Variants in MYO7A observed in about 807,000 individuals in gnomAD.
The protein encoded by MYO7A is myosin VIIA.
A neutral mutation model predicts 263.8 loss-of-function variants in MYO7A; 210 were observed. The ratio of observed to expected loss-of-function variants is 0.80; its 90% CI spans 0.71 to 0.89. The LOEUF (loss-of-function observed/expected upper bound fraction) is 0.89. MYO7A is among the 40% of genes least tolerant of loss of function. The probability of loss-of-function intolerance (pLI) is 0.00; values close to 1 mark genes in which losing one functional copy is unlikely to be tolerated. For synonymous variants in MYO7A, 1,239 were observed against 1,197.3 expected, an observed-to-expected ratio of 1.03 and a Z score of -0.72; for missense variants, 2,820 against 2,968.3, an observed-to-expected ratio of 0.95 and a Z score of 1.16.
rs372062718 is a variant in MYO7A, at chr11:77,204,137, C to T, written c.5388C>T (p.Thr1796=). ...SKRTRSVNEL[T]DQIFEGPLKA... Reference sequence around the variant, plus strand: ...GGACACGCTCCGTCAACGAGCTCACCGACCAGATCTTTGAGGGTCCCCTGA... The same window carrying T: ...GGACACGCTCCGTCAACGAGCTCACTGACCAGATCTTTGAGGGTCCCCTGA... The change falls in exon 39 of 49, where the codon ACC becomes ACT. Residue 1796 remains threonine (T), a synonymous_variant. Coordinates refer to ENST00000409709, the MANE Select transcript of MYO7A (RefSeq NM_000260.4). The T allele has an allele frequency of 4.6e-5, 74 of 1,598,962 alleles. No individual in the cohort carries two copies. Among genetic ancestry groups the T allele is most frequent in the East Asian group, 4.1e-4 (18 of 43,974 alleles).
At chr11:77,153,349 G>C (rs1174094785) in intron 4 of MYO7A, among the ~76,000 whole-genome samples, 4 of 152,096 alleles carry the variant, frequency 2.6e-5, no homozygotes, top group Admixed American at 2.6e-4. Flanking sequence ...GAGCAGGGTT[G>C]GAGGGAAGGG....
At chr11:77,186,032 C>G (rs1479860442) in intron 27 of MYO7A, among the ~76,000 whole-genome samples, 3 of 151,594 alleles carry the variant, frequency 2.0e-5, no homozygotes, top group African/African-American at 7.3e-5. Context: ...AAGCAATTCT[C>G]CTGCCTCAGC....
At chr11:77,170,768 T>G (rs11601497) in intron 15 of MYO7A, among the ~76,000 whole-genome samples, 37,883 of 151,968 alleles carry the variant, frequency 0.25, 5,352 homozygotes, top group Non-Finnish European at 0.3. Context: ...GTTGGGGGGT[T>G]GCTGCAGGAA....
At chr11:77,169,258 A>T (rs976423577) in intron 15 of MYO7A, among the ~76,000 whole-genome samples, 2 of 152,206 alleles carry the variant, frequency 1.3e-5, no homozygotes, top group Non-Finnish European at 2.9e-5. Context: ...TGACTCCTAC[A>T]TCTGCCTCCC....
At chr11:77,157,421 G>A (rs1952595757) in intron 8 of MYO7A, 29 bp downstream of exon 8, 1 of 1,505,192 alleles carries the variant, frequency 6.6e-7, no homozygotes, top group Admixed American at 1.9e-5. Context: ...CCTGGGTAGG[G>A]GGGCACCCAC....
chr11:77,211,774 G>A (rs747422685), intron 45 of MYO7A, 47 bp from the exon 46 acceptor site: 8 of 1,492,802 alleles, frequency 5.4e-6, no homozygotes, highest in Admixed American at 3.4e-5. Flanking sequence ...CCCTGAGCAG[G>A]CCTGTCCCCA....
At chr11:77,195,769 G>T (rs1956609691) in intron 32 of MYO7A, among the ~76,000 whole-genome samples, 1 of 152,228 alleles carries the variant, frequency 6.6e-6, no homozygotes, top group African/African-American at 2.4e-5. Flanking sequence ...TTTGTAGGGT[G>T]GGAGGGTGCA....
At chr11:77,188,107 A>C (rs182328553) in intron 27 of MYO7A, among the ~76,000 whole-genome samples, 66 of 152,276 alleles carry the variant, frequency 4.3e-4, no homozygotes, top group African/African-American at 1.5e-3. Flanking sequence ...CAAGAGTCCA[A>C]AGGCTGGGGT....
intron 41 of MYO7A, 46 bp from the exon 42 acceptor site, chr11:77,207,243 C>T: frequency 7.0e-7 from 1 of 1,423,852 alleles, no homozygotes; most frequent in Non-Finnish European, 9.7e-7. Flanking sequence ...AGGACCAGGT[C>T]CCGGGAAAGG....
intron 32 of MYO7A, among the ~76,000 whole-genome samples, 195 bp from the exon 33 acceptor site, chr11:77,197,286 A>T (rs901237320): frequency 1.3e-5 from 2 of 152,220 alleles, no homozygotes; most frequent in Admixed American, 1.3e-4. Flanking sequence ...GGCACTCAAA[A>T]GTGCTCGCCG....
At chr11:77,144,116 T>C (rs1450069745) in intron 3 of MYO7A, among the ~76,000 whole-genome samples, 1 of 152,180 alleles carries the variant, frequency 6.6e-6, no homozygotes, top group African/African-American at 2.4e-5. Flanking sequence ...CTGTCTTCTA[T>C]GCATGAGTTT....
At chr11:77,178,056 G>C (rs1394652775) in intron 19 of MYO7A, among the ~76,000 whole-genome samples, 2 of 151,606 alleles carry the variant, frequency 1.3e-5, no homozygotes, top group African/African-American at 4.9e-5. Context: ...AAATGTGCAG[G>C]ACTGACTCCA....
Position 77,143,480 on chromosome 11 carries a change from A to G in MYO7A, c.132+658A>G, listed in dbSNP as rs141202962. Among the ~76,000 whole-genome samples, 167 of 152,330 alleles carry G rather than the reference A, an allele frequency of 1.1e-3. 1 individual carries two copies. Among genetic ancestry groups the G allele is most frequent in the African/African-American group, 3.7e-3 (155 of 41,570 alleles). On this transcript the variant is annotated intron_variant, in intron 3 of 48. Transcript: ENST00000409709. ...GGGACCCCAGAAGTGTAAGTTTTCTAGGTAATGATAGTGGGGCCTTGGGGA... is the reference window on the plus strand; with the variant it reads ...GGGACCCCAGAAGTGTAAGTTTTCTGGGTAATGATAGTGGGGCCTTGGGGA...
chr11:77,206,352 A>G, intron 41 of MYO7A, 150 bp downstream of exon 41: 1 of 636,946 alleles, frequency 1.6e-6, no homozygotes. Flanking sequence ...GCTCAGGACG[A>G]AGGCCATCGA....
rs782276748 is a variant in MYO7A at position 77,177,580 on chromosome 11, G to A, written c.2219G>A (p.Arg740Gln). 2.6e-5 allele frequency: 42 copies of A among 1,611,964 alleles called. No homozygotes were observed. The highest frequency in any genetic ancestry group is 8.0e-5 in the African/African-American group (6 of 74,882). Residue 740 changes from arginine to glutamine, a missense_variant, in exon 19 of 49, where the codon CGG becomes CAG. Physicochemically the swap from Arg to Gln is conservative, Grantham distance 43. Coordinates refer to ENST00000409709, the MANE Select transcript of MYO7A (RefSeq NM_000260.4). ...CATGACATGCTGCTGGAAGTGGAGC[G>A]GGACAAAGCCATCACCGACAGAGTC... is the stretch of plus-strand genomic sequence containing the variant. ...DHHDMLLEVE[R>Q]DKAITDRVIL...
chr11:77,189,719 C>T (rs1262873416), intron 28 of MYO7A, among the ~76,000 whole-genome samples: 1 of 152,238 alleles, frequency 6.6e-6, no homozygotes, highest in Non-Finnish European at 1.5e-5. Flanking sequence ...GCCCTCTGCA[C>T]CCTCGTCTTG....
intron 31 of MYO7A, among the ~76,000 whole-genome samples, chr11:77,193,085 T>TGTGATGGTGGAGGTAGTGATGGTGTTG (rs1956302758): frequency 2.3e-5 from 1 of 42,762 alleles, no homozygotes; most frequent in Non-Finnish European, 3.9e-5. Flanking sequence ...GGTAGTTGTT[T>TGTGATGGTGGAGGTAGTGATGGTGTTG]GTGATGGTGG....
intron 18 of MYO7A, among the ~76,000 whole-genome samples, chr11:77,176,565 G>T (rs55655554): frequency 0.01 from 1,569 of 152,324 alleles, 8 homozygotes; most frequent in Middle Eastern, 0.02. Flanking sequence ...AGTGGGGAAG[G>T]CAGGAATCAT....
chr11:77,194,060 G>A (rs1294900091), intron 31 of MYO7A: 2 of 601,264 alleles, frequency 3.3e-6, no homozygotes, highest in African/African-American at 1.8e-5. Flanking sequence ...TGCTCGATGG[G>A]CTGGCTTGTT....
Sources: gnomAD v4.1 joint callset for allele counts (sites outside exome capture counted in the v4.1 genomes callset) on GRCh38, gnomAD v4.1.1 for gene constraint, MANE v1.5 for transcripts, NCBI Gene and HGNC (gene_info 2026-07-23, HGNC 2026-07-21) for gene names.